The following NAMPT variants were observed in gnomAD, a reference collection of about 807,000 sequenced individuals.
The protein encoded by NAMPT is nicotinamide phosphoribosyltransferase.
Under a neutral mutation model 58.7 loss-of-function variants are expected in NAMPT, and 7 were observed. The observed-to-expected ratio is 0.12, with a 90% CI of 0.07 to 0.22. The LOEUF is 0.22. Ranked by LOEUF, NAMPT falls within the 10% of genes least tolerant of loss-of-function variation. The pLI is 1.00. For synonymous variants in NAMPT, 145 were observed against 198.1 expected (o/e 0.73, Z 2.25); for missense variants, 271 against 567.9 (o/e 0.48, Z 5.31).
chr7:106,276,883 C>A, intron 2 of NAMPT, 140 bp downstream of exon 2: 2 of 667,862 alleles, frequency 3.0e-6, no homozygotes, highest in Non-Finnish European at 2.5e-6. Context: ...AAACTTTTCT[C>A]ATACTTAGAA....
At chr7:106,267,870 A>AC (rs1262427885) in intron 6 of NAMPT, among the ~76,000 whole-genome samples, 1 of 136,436 alleles carries the variant, frequency 7.3e-6, no homozygotes, top group African/African-American at 2.8e-5. Context: ...AAAAAAAAAA[A>AC]AAAAAACAAC....
chr7:106,283,093 C>A (rs1369492730), intron 1 of NAMPT, among the ~76,000 whole-genome samples: 1 of 152,050 alleles, frequency 6.6e-6, no homozygotes, highest in Non-Finnish European at 1.5e-5. Context: ...CTTGATTGAA[C>A]CCTCTAGAGG....
At chr7:106,254,252 CAT>C in intron 9 of NAMPT, 110 bp downstream of exon 9, 1 of 1,207,008 alleles carries the variant, frequency 8.3e-7, no homozygotes, top group Non-Finnish European at 1.2e-6. Context: ...TACCCAACAA[CAT>C]ATTAACAGTC....
At chr7:106,262,782 T>G (rs1363351257) in intron 7 of NAMPT, among the ~76,000 whole-genome samples, 1 of 151,046 alleles carries the variant, frequency 6.6e-6, no homozygotes, top group East Asian at 1.9e-4. Context: ...TTTATCACTG[T>G]TTTTTTTTGT....
rs1282560719 is a variant in NAMPT at position 106,254,511 on chromosome 7, G to A, written c.1090-7C>T. 5 of 1,612,738 alleles carry A rather than the reference G, an allele frequency of 3.1e-6. No individual in the cohort carries two copies. The highest frequency in any genetic ancestry group is 4.2e-6 in the Non-Finnish European group (5 of 1,179,208). ...GTTTCATGCCTTCTACAATCTAGAA[G>A]ATTAAAACAAAACAAAACCAAACCA... On this transcript the variant is annotated splice_region_variant and splice_polypyrimidine_tract_variant and intron_variant, in intron 8 of 10. Coordinates refer to ENST00000222553, the MANE Select transcript of NAMPT (RefSeq NM_005746.3).
At chr7:106,272,320 A>T (rs1287681226) in intron 4 of NAMPT, 4 of 413,390 alleles carry the variant, frequency 9.7e-6, no homozygotes, top group Non-Finnish European at 1.7e-5. Context: ...AATTTGATTT[A>T]AACAAAATCT....
intron 2 of NAMPT, chr7:106,275,908 G>C (rs559741327): frequency 1.1e-4 from 17 of 152,140 alleles, no homozygotes; most frequent in African/African-American, 4.1e-4. Context: ...GCGAGCCTGT[G>C]GTCCCAGTTA....
chr7:106,284,315 G>C (rs1213729977), intron 1 of NAMPT: 10 of 150,044 alleles, frequency 6.7e-5, no homozygotes, highest in Admixed American at 4.6e-4. Flanking sequence ...CCCGCGCCAG[G>C]ACTTCTCCCA....
At chr7:106,264,184 T>C (rs1019098531) in intron 6 of NAMPT, among the ~76,000 whole-genome samples, 1 of 152,232 alleles carries the variant, frequency 6.6e-6, no homozygotes, top group African/African-American at 2.4e-5. Flanking sequence ...TTCAAGTGGC[T>C]AGTAATAGGA....
intron 10 of NAMPT, among the ~76,000 whole-genome samples, chr7:106,252,226 C>CA (rs1792116358): frequency 6.6e-6 from 1 of 151,950 alleles, no homozygotes; most frequent in South Asian, 2.1e-4. Flanking sequence ...CTAAATCTGC[C>CA]AAAATCTTAG....
chr7:106,256,646 T>C (rs1315407674), intron 8 of NAMPT, among the ~76,000 whole-genome samples: 1 of 152,222 alleles, frequency 6.6e-6, no homozygotes, highest in Non-Finnish European at 1.5e-5. Context: ...TTCAACACTT[T>C]ACTATAAAAT....
At position 106,252,888 on chromosome 7, in the gene NAMPT, T is replaced by C. The variant is rs146443490; in HGVS notation, c.1365+129A>G. The stretch of plus-strand genomic sequence containing the variant: ...TTATTTTGGTAGGCCAGGTCAGCAA[T>C]TGGACATTTTATAATAAAATATAAT... On this transcript the variant is annotated intron_variant, in intron 10 of 10. Coordinates refer to ENST00000222553, the MANE Select transcript of NAMPT (RefSeq NM_005746.3). 244 of 1,177,392 alleles carry C rather than the reference T, an allele frequency of 2.1e-4. 1 individual carries two copies. The highest frequency in any genetic ancestry group is 3.0e-4 in the Middle Eastern group (1 of 3,334). 72.9% of individuals were successfully genotyped at this position (1,177,392 alleles called of 1,614,324 possible). A position where few individuals can be genotyped will look rare whatever the true frequency, so the allele number is the denominator to read the frequency against.
At chr7:106,259,579 C>T (rs1249217887) in intron 8 of NAMPT, among the ~76,000 whole-genome samples, 1 of 152,016 alleles carries the variant, frequency 6.6e-6, no homozygotes, top group African/African-American at 2.4e-5. Context: ...CATGCATTGC[C>T]CCACCCAGCT....
rs1792095166 is a variant in NAMPT, at chr7:106,250,946, G to C, written c.*137C>G. 1.5e-6 allele frequency: 1 copy of C among 651,084 alleles called. No individual in the cohort carries two copies. Among genetic ancestry groups the C allele is most frequent in the Non-Finnish European group, 2.7e-6 (1 of 370,478 alleles). 40.3% of individuals were successfully genotyped at this position (651,084 alleles called of 1,614,324 possible). A position where few individuals can be genotyped will look rare whatever the true frequency, so the allele number is the denominator to read the frequency against. On this transcript the variant is annotated 3_prime_UTR_variant, in exon 11 of 11. Transcript: ENST00000222553. ...TTGAGATCACCTAAACACTGGAAAA[G>C]AAAAAAAATGAAAGGGCAGTATGTC... is the stretch of plus-strand genomic sequence containing the variant.
intron 8 of NAMPT, among the ~76,000 whole-genome samples, chr7:106,256,171 A>G (rs556621673): frequency 6.6e-6 from 1 of 152,252 alleles, no homozygotes; most frequent in African/African-American, 2.4e-5. Flanking sequence ...AGAAGTTTCA[A>G]TGATACCCAA....
intron 1 of NAMPT, among the ~76,000 whole-genome samples, chr7:106,282,416 A>G (rs1363615024): frequency 6.6e-6 from 1 of 152,206 alleles, no homozygotes; most frequent in Non-Finnish European, 1.5e-5. Flanking sequence ...CTAGATAACC[A>G]GCTTACAGAT....
chr7:106,272,724 A>G (rs1792559624), intron 3 of NAMPT, 66 bp from the exon 4 acceptor site: 1 of 1,570,006 alleles, frequency 6.4e-7, no homozygotes, highest in African/African-American at 1.4e-5. Flanking sequence ...CTGTTTTACT[A>G]AAGGTTCTTT....
rs1282405793 is a variant in NAMPT at position 106,263,583 on chromosome 7, C to T, written c.778G>A (p.Asp260Asn). Residue 260 changes from aspartate (D) to asparagine (N), a missense_variant, in exon 7 of 11, where the codon GAT becomes AAT. Asp to Asn is a conservative substitution (Grantham distance 23, BLOSUM62 1). This residue lies in a region of NAMPT where 143 missense variants were observed against 331.1 expected (regional missense o/e 0.43). Coordinates refer to ENST00000222553, the MANE Select transcript of NAMPT (RefSeq NM_005746.3). ...TGTGTTACAATATGTTCAAAAGCAT[C>T]TTTTTCATGGTCTTTCCCCCAAGCT... ...ITAWGKDHEK[D>N]AFEHIVTQFS... The T allele has an allele frequency of 3.1e-6, 5 of 1,613,166 alleles. No individual in the cohort carries two copies. The East Asian group carries it at 1.1e-4, about 36-fold the overall frequency.
intron 3 of NAMPT, among the ~76,000 whole-genome samples, chr7:106,274,131 A>T (rs1038045637): frequency 2.7e-5 from 4 of 150,742 alleles, no homozygotes; most frequent in African/African-American, 7.3e-5. Flanking sequence ...AATACAATCA[A>T]GACTAAAAAT....
Sources: gnomAD v4.1 joint callset for allele counts (sites outside exome capture counted in the v4.1 genomes callset) on GRCh38, gnomAD v4.1.1 for gene constraint, gnomAD v4.1.1 regional missense constraint, MANE v1.5 for transcripts, NCBI Gene and HGNC (gene_info 2026-07-23, HGNC 2026-07-21) for gene names.